Variants in TLK2 observed in about 807,000 individuals in gnomAD.
TLK2 encodes the protein serine/threonine-protein kinase tousled-like 2.
In TLK2, 6 loss-of-function variants were observed where a neutral mutation model predicts 117.3. The ratio of observed to expected loss-of-function variants is 0.05; its 90% CI spans 0.03 to 0.10. TLK2 has a LOEUF of 0.10. Among genes scored for constraint, TLK2 ranks in the 10% least tolerant of loss-of-function variants. The pLI, the probability that TLK2 is intolerant of heterozygous loss-of-function variation, is 1.00. For synonymous variants in TLK2, 257 were observed against 316.7 expected (o/e 0.81, Z 2.00); for missense variants, 299 against 901.2 (o/e 0.33, Z 8.56).
rs202151451 is a variant in TLK2, at chr17:62,593,611, A to G, written c.1461-2974A>G. Among the ~76,000 whole-genome samples, 11 of 152,034 alleles carry G rather than the reference A, an allele frequency of 7.2e-5. No individual in the cohort carries two copies. The East Asian group carries it at 9.6e-4, about 13-fold the overall frequency. ...GGCTTGCACAGGGTCAGGACCATCA[A>G]TATCACTTTCTTCCATCTCCATCTT... On this transcript the variant is annotated intron_variant, in intron 16 of 21. Transcript: ENST00000346027.
intron 2 of TLK2, among the ~76,000 whole-genome samples, chr17:62,507,786 T>G (rs1418384344): frequency 6.6e-6 from 1 of 152,152 alleles, no homozygotes; most frequent in African/African-American, 2.4e-5. Context: ...CATTTGCATC[T>G]TAACCTCAGT....
At chr17:62,500,818 A>G (rs1319767569) in intron 2 of TLK2, among the ~76,000 whole-genome samples, 2 of 152,234 alleles carry the variant, frequency 1.3e-5, no homozygotes, top group Admixed American at 6.5e-5. Context: ...AAATCTCCGA[A>G]TATTTGAAAG....
chr17:62,507,623 T>G (rs1209541420), intron 2 of TLK2, among the ~76,000 whole-genome samples: 1 of 152,202 alleles, frequency 6.6e-6, no homozygotes. Context: ...AGCAGCCAAT[T>G]TGGTCTAAGG....
intron 8 of TLK2, 63 bp from the exon 9 acceptor site, chr17:62,553,600 G>A (rs1019775388): frequency 8.9e-7 from 1 of 1,124,048 alleles, no homozygotes; most frequent in African/African-American, 1.5e-5. Context: ...GTAATGAGAA[G>A]AGTGTGATGA....
rs889778045 is a variant in TLK2 at position 62,481,323 on chromosome 17, T to G, written c.81+117T>G. 3 of 1,125,478 alleles carry G rather than the reference T, an allele frequency of 2.7e-6. No individual in the cohort carries two copies. In the African/African-American group the frequency reaches 4.7e-5, roughly 18 times the overall value. The allele number at this position is 1,125,478 out of a possible 1,614,324, so 69.7% of individuals were successfully genotyped here. ...TAGTTTGCAGGGGAGAAGATTTGGG[T>G]CTTAATTTCAGTGAACTTTTAGATC... On this transcript the variant is annotated intron_variant, in intron 2 of 21. Transcript: ENST00000346027.
intron 11 of TLK2, 70 bp from the exon 12 acceptor site, chr17:62,573,145 T>A: frequency 6.7e-7 from 1 of 1,487,034 alleles, no homozygotes; most frequent in Non-Finnish European, 9.0e-7. Flanking sequence ...AGTGACAAAT[T>A]GTGTGTGTTC....
intron 13 of TLK2, among the ~76,000 whole-genome samples, chr17:62,577,843 C>G (rs150616931): frequency 0.044 from 6,715 of 152,120 alleles, 289 homozygotes; most frequent in South Asian, 0.21. Context: ...GTCAGGAGTT[C>G]AAGACCAGCC....
intron 2 of TLK2, among the ~76,000 whole-genome samples, chr17:62,481,528 A>T (rs2071650300): frequency 1.3e-5 from 2 of 152,248 alleles, no homozygotes; most frequent in Non-Finnish European, 2.9e-5. Context: ...TCAGCCATTC[A>T]GAAAGAAAAT....
intron 2 of TLK2, among the ~76,000 whole-genome samples, chr17:62,510,926 A>G (rs1468856406): frequency 1.3e-5 from 2 of 152,212 alleles, no homozygotes. Flanking sequence ...TTACTTTACA[A>G]TAATAAGTAA....
At chr17:62,519,935 T>C (rs1264566723) in intron 2 of TLK2, among the ~76,000 whole-genome samples, 1 of 152,120 alleles carries the variant, frequency 6.6e-6, no homozygotes. Flanking sequence ...CCACAACCCC[T>C]ATTGTTTTTG....
chr17:62,598,330 C>G (rs374104040), intron 17 of TLK2, among the ~76,000 whole-genome samples: 2 of 152,142 alleles, frequency 1.3e-5, no homozygotes, highest in Admixed American at 6.5e-5. Flanking sequence ...GAATTGTATA[C>G]ACACTTTTAA....
chr17:62,485,684 A>AGT (rs59563714), intron 2 of TLK2, among the ~76,000 whole-genome samples: 55,963 of 151,674 alleles, frequency 0.37, 10,500 homozygotes, highest in Admixed American at 0.41. Flanking sequence ...AGGGGAAAGT[A>AGT]GTAATGTGCA....
chr17:62,538,568 A>G (rs2077278980), intron 7 of TLK2, among the ~76,000 whole-genome samples: 1 of 152,208 alleles, frequency 6.6e-6, no homozygotes, highest in Non-Finnish European at 1.5e-5. Flanking sequence ...TTCTGTAAAA[A>G]GTATGGTATG....
At chr17:62,527,773 G>A (rs2076471439) in intron 6 of TLK2, among the ~76,000 whole-genome samples, 1 of 150,264 alleles carries the variant, frequency 6.7e-6, no homozygotes, top group Non-Finnish European at 1.5e-5. Context: ...ACGGAGTTTC[G>A]CTTTTGTTGC....
chr17:62,511,999 A>C (rs1373003511), intron 2 of TLK2, among the ~76,000 whole-genome samples: 1 of 152,234 alleles, frequency 6.6e-6, no homozygotes, highest in Admixed American at 6.5e-5. Context: ...CCGTCAAAAA[A>C]GCTTTACCTT....
chr17:62,501,780 C>T (rs139314588), intron 2 of TLK2, among the ~76,000 whole-genome samples: 107 of 151,924 alleles, frequency 7.0e-4, no homozygotes, highest in African/African-American at 2.5e-3. Context: ...GGCAATATAG[C>T]GAGACTCATC....
chr17:62,530,598 A>AGT (rs2076678213), intron 6 of TLK2, among the ~76,000 whole-genome samples: 1 of 152,228 alleles, frequency 6.6e-6, no homozygotes, highest in African/African-American at 2.4e-5. Flanking sequence ...ATTTGGTGGT[A>AGT]GTGGTGTATG....
intron 2 of TLK2, among the ~76,000 whole-genome samples, chr17:62,508,829 G>A (rs1394758314): frequency 2.0e-5 from 3 of 152,078 alleles, no homozygotes; most frequent in Non-Finnish European, 2.9e-5. Flanking sequence ...TTAGCCAAGC[G>A]TGGTGGTGTG....
At chr17:62,524,187 G>A (rs779160573) in intron 5 of TLK2, 49 bp from the exon 6 acceptor site, 21 of 1,601,916 alleles carry the variant, frequency 1.3e-5, no homozygotes, top group Non-Finnish European at 1.6e-5. Flanking sequence ...CTTATCTGAA[G>A]CATAGTACTG....
Sources: gnomAD v4.1 joint callset for allele counts (sites outside exome capture counted in the v4.1 genomes callset) on GRCh38, gnomAD v4.1.1 for gene constraint, MANE v1.5 for transcripts, NCBI Gene and HGNC (gene_info 2026-07-23, HGNC 2026-07-21) for gene names.